The following CFAP91 variants were observed in gnomAD, a reference collection of about 807,000 sequenced individuals.
The protein encoded by CFAP91 is cilia and flagella associated protein 91.
CFAP91 carries 85 observed loss-of-function variants against 95.9 expected under a neutral mutation model. The observed-to-expected ratio is 0.89, with a 90% confidence interval of 0.74 to 1.06. CFAP91 has a LOEUF of 1.06. Among genes scored for constraint, CFAP91 ranks in the 50% least tolerant of loss-of-function variants. The pLI, the probability that CFAP91 is intolerant of heterozygous loss-of-function variation, is 0.00. For synonymous variants in CFAP91, 335 were observed against 327.5 expected (o/e 1.02, Z -0.25); for missense variants, 962 against 943.4 (o/e 1.02, Z -0.26).
rs1577189476 is a variant in CFAP91, at chr3:119,703,095, C to T, written c.-4C>T. On this transcript the variant is annotated 5_prime_UTR_variant, in exon 1 of 18. Coordinates refer to ENST00000273390, the MANE Select transcript of CFAP91 (RefSeq NM_033364.4). The stretch of plus-strand genomic sequence containing the variant: ...CTTGCTGGCGGGAGGAAAGAGGCGG[C>T]ACCATGAGCCACGCAGTAACCATCG... 1.3e-6 allele frequency: 2 copies of T among 1,552,972 alleles called. No individual in the cohort carries two copies. Among genetic ancestry groups the T allele is most frequent in the East Asian group, 2.4e-5 (1 of 41,210 alleles).
intron 17 of CFAP91, among the ~76,000 whole-genome samples, chr3:119,760,518 A>C (rs1038117563): frequency 6.6e-6 from 1 of 151,810 alleles, no homozygotes; most frequent in Non-Finnish European, 1.5e-5. Flanking sequence ...GACTTACACT[A>C]CACCTTAGAC....
In CFAP91 at chr3:119,744,043, G is replaced by A; in HGVS notation, c.1749G>A (p.Leu583=). The A allele has an allele frequency of 6.2e-7, 1 of 1,614,190 alleles. No homozygotes were observed. The highest frequency in any genetic ancestry group is 1.3e-5 in the African/African-American group (1 of 75,068). Residue 583 remains leucine, a synonymous_variant, in exon 14 of 18, where the codon CTG becomes CTA. Coordinates refer to ENST00000273390, the MANE Select transcript of CFAP91 (RefSeq NM_033364.4). ...CACTAGCAGACATGTTTGACTTCCT[G>A]TCCAAAGAGCTGGTGAGACTGCAGG... The part of the protein sequence containing the change: ...GRALADMFDF[L]SKELVRLQEE...
chr3:119,741,026 ATTC>A (rs1244485807), intron 13 of CFAP91, among the ~76,000 whole-genome samples: 25 of 152,136 alleles, frequency 1.6e-4, no homozygotes, highest in African/African-American at 6.0e-4. Flanking sequence ...TAATTTCCGT[ATTC>A]TTAGTAGAGA....
In CFAP91 at chr3:119,744,125, G is replaced by T; in HGVS notation, c.1831G>T (p.Glu611Ter). The T allele has an allele frequency of 6.2e-7, 1 of 1,614,090 alleles. No individual in the cohort carries two copies. Among genetic ancestry groups the T allele is most frequent in the Non-Finnish European group, 8.5e-7 (1 of 1,180,010 alleles). ...MLAERQRRVR[E>*]AEESGRRQVE... is the part of the protein sequence containing the mutation. ...GGCTGAGCGCCAGCGGCGGGTACGA[G>T]AGGCTGAAGAGAGTGGTCGGCGCCA... The change falls in exon 14 of 18, where the codon GAG (glutamate) becomes TAG (stop). Residue 611 changes from glutamate (E) to a stop codon, truncating the protein, a stop_gained. Transcript: ENST00000273390. LOFTEE classifies it high-confidence loss of function.
chr3:119,722,383 G>A (rs981773017), intron 6 of CFAP91, among the ~76,000 whole-genome samples: 5 of 151,886 alleles, frequency 3.3e-5, no homozygotes, highest in South Asian at 4.1e-4. Context: ...CACTTGAACC[G>A]AGGAGGAGGA....
intron 1 of CFAP91, among the ~76,000 whole-genome samples, chr3:119,704,257 C>T (rs1048214561): frequency 6.6e-6 from 1 of 152,104 alleles, no homozygotes; most frequent in Non-Finnish European, 1.5e-5. Context: ...TCTTTGATGC[C>T]GAAGTGTCTC....
intron 6 of CFAP91, among the ~76,000 whole-genome samples, chr3:119,718,589 A>G (rs906391717): frequency 3.3e-4 from 50 of 152,274 alleles, no homozygotes; most frequent in African/African-American, 1.1e-3. Context: ...GATTTTTTAA[A>G]AACTCACACC....
At chr3:119,725,592 A>G (rs1416735201) in intron 6 of CFAP91, among the ~76,000 whole-genome samples, 2 of 152,082 alleles carry the variant, frequency 1.3e-5, no homozygotes, top group Admixed American at 1.3e-4. Context: ...TGTCTCTACA[A>G]AAAAATAAAA....
chr3:119,710,988 A>G (rs2053461627), intron 5 of CFAP91, among the ~76,000 whole-genome samples: 1 of 152,242 alleles, frequency 6.6e-6, no homozygotes, highest in Non-Finnish European at 1.5e-5. Context: ...AAAAAGTCTA[A>G]GGTATTCATG....
At position 119,707,457 on chromosome 3, in the gene CFAP91, A is replaced by T; in HGVS notation, c.255A>T (p.Arg85Ser). The T allele has an allele frequency of 1.9e-6, 3 of 1,591,446 alleles. No homozygotes were observed. Among genetic ancestry groups the T allele is most frequent in the Non-Finnish European group, 2.6e-6 (3 of 1,164,632 alleles). Residue 85 changes from arginine (R) to serine (S), a missense_variant, in exon 3 of 18, where the codon AGA (arginine) becomes AGT (serine). Transcript: ENST00000273390. ...TMFSNLIHYP[R>S]YSLYWSKSDP... ...TCAGTAACCTGATCCATTATCCAAG[A>T]TATTCTCTATATTGGAGCAAGTCAG...
rs368427180 is a variant in CFAP91, at chr3:119,708,592, A to G, written c.361A>G (p.Thr121Ala). ...TAATGTTTTCTTGCTTCATTTTAGA[A>G]CTGACGCTTCTTTTCAGATGCCTAA... is the stretch of plus-strand genomic sequence containing the variant. ...HREALRQLTT[T>A]DASFQMPKEV... Residue 121 changes from threonine (T) to alanine (A), a missense_variant and splice_region_variant, in exon 4 of 18, where the codon ACT (threonine) becomes GCT (alanine). Transcript: ENST00000273390. 47 of 1,591,728 alleles carry G rather than the reference A, an allele frequency of 3.0e-5. No individual in the cohort carries two copies. Among genetic ancestry groups the G allele is most frequent in the Non-Finnish European group, 3.9e-5 (46 of 1,165,386 alleles).
Position 119,737,462 on chromosome 3 carries a change from A to T in CFAP91, c.1441A>T (p.Thr481Ser). The T allele has an allele frequency of 6.2e-7, 1 of 1,604,116 alleles. No individual in the cohort carries two copies. Among genetic ancestry groups the T allele is most frequent in the Non-Finnish European group, 8.5e-7 (1 of 1,175,538 alleles). The change falls in exon 11 of 18, where the codon ACC (threonine) becomes TCC (serine). Residue 481 changes from threonine (T) to serine (S), a missense_variant. Thr to Ser is a moderately conservative substitution (Grantham distance 58). Coordinates refer to ENST00000273390, the MANE Select transcript of CFAP91 (RefSeq NM_033364.4). ...PIPQPRLPTP[T>S]LEMTSNEEEE... ...ACCTCAACCTCGGCTTCCAACTCCAACCTTGGAAATGACGTCCAATGTAAG... is the reference window on the plus strand; with the variant it reads ...ACCTCAACCTCGGCTTCCAACTCCATCCTTGGAAATGACGTCCAATGTAAG...
At chr3:119,712,222 A>G (rs972146581) in intron 5 of CFAP91, among the ~76,000 whole-genome samples, 3 of 152,226 alleles carry the variant, frequency 2.0e-5, no homozygotes, top group African/African-American at 7.2e-5. Context: ...GCCAACAGAA[A>G]TGGGGAAAAA....
Position 119,739,105 on chromosome 3 carries a change from C to T in CFAP91, c.1462-150C>T, listed in dbSNP as rs963610648. 37 of 651,382 alleles carry T rather than the reference C, an allele frequency of 5.7e-5. No individual in the cohort carries two copies. In the African/African-American group the frequency reaches 6.5e-4, roughly 11 times the overall value. 40.4% of individuals were successfully genotyped at this position (651,382 alleles called of 1,614,324 possible). A position where few individuals can be genotyped will look rare whatever the true frequency, so the allele number is the denominator to read the frequency against. ...AAGTAACATTAAAATACTATATGTT[C>T]AATAAGGGCAGGGACCATCTTTTAT... On this transcript the variant is annotated intron_variant, in intron 11 of 17. Transcript: ENST00000273390.
chr3:119,709,982 C>T (rs1054983410), intron 5 of CFAP91, 87 bp downstream of exon 5: 3 of 1,032,564 alleles, frequency 2.9e-6, no homozygotes, highest in African/African-American at 1.6e-5. Context: ...CACTAAATCA[C>T]TATTTTTCAA....
Position 119,715,692 on chromosome 3 carries a change from G to C in CFAP91, c.631G>C (p.Val211Leu). 6.2e-7 allele frequency: 1 copy of C among 1,613,964 alleles called. No individual in the cohort carries two copies. The highest frequency in any genetic ancestry group is 1.1e-5 in the South Asian group (1 of 91,078). The change falls in exon 6 of 18, where the codon GTA (valine) becomes CTA (leucine). Residue 211 changes from valine to leucine, a missense_variant. Coordinates refer to ENST00000273390, the MANE Select transcript of CFAP91 (RefSeq NM_033364.4). The part of the protein sequence containing the change: ...QTDPYSAEYV[V>L]CQDSIPELLT... ...AGATCCATACTCTGCAGAATATGTA[G>C]TATGTCAGGACTCAATCCCTGAGCT...
chr3:119,724,535 TATACATATATACAC>T (rs1361501867), intron 6 of CFAP91, among the ~76,000 whole-genome samples: 1 of 152,140 alleles, frequency 6.6e-6, no homozygotes, highest in Non-Finnish European at 1.5e-5. Flanking sequence ...GATACATATA[TATACATATATACAC>T]ATACATATAT....
intron 5 of CFAP91, among the ~76,000 whole-genome samples, chr3:119,714,005 A>G (rs1039540184): frequency 1.3e-5 from 2 of 152,212 alleles, no homozygotes; most frequent in African/African-American, 2.4e-5. Context: ...CTTTATGAAC[A>G]TGTTTGCATA....
intron 17 of CFAP91, among the ~76,000 whole-genome samples, chr3:119,753,362 C>G (rs771034255): frequency 1.3e-5 from 2 of 152,086 alleles, no homozygotes; most frequent in Non-Finnish European, 2.9e-5. Flanking sequence ...AGTAAACTAT[C>G]CCTGGCATAT....
Sources: allele counts gnomAD v4.1 joint callset (sites outside exome capture counted in the v4.1 genomes callset), GRCh38; gene constraint gnomAD v4.1.1; transcripts MANE v1.5; gene names NCBI Gene and HGNC (gene_info 2026-07-23, HGNC 2026-07-21).